Variants in ETFDH observed in about 807,000 individuals in gnomAD.
ETFDH encodes electron transfer flavoprotein-ubiquinone oxidoreductase, mitochondrial.
ETFDH carries 61 observed loss-of-function variants against 73.2 expected under a neutral mutation model. The ratio of observed to expected loss-of-function variants is 0.83; its 90% confidence interval spans 0.68 to 1.03. The LOEUF (loss-of-function observed/expected upper bound fraction) is 1.03, where lower values mean the gene tolerates loss of function less well. ETFDH is among the 50% of genes least tolerant of loss of function. The pLI is 0.00. For missense variants in ETFDH, 685 were observed against 745.0 expected, an observed-to-expected ratio of 0.92 and a Z score of 0.94; for synonymous variants, 243 against 253.3, an observed-to-expected ratio of 0.96 and a Z score of 0.39.
intron 10 of ETFDH, among the ~76,000 whole-genome samples, chr4:158,704,106 A>G (rs1774542402): frequency 6.6e-6 from 1 of 152,146 alleles, no homozygotes; most frequent in Non-Finnish European, 1.5e-5. Flanking sequence ...TCCCCCACAC[A>G]CAAAAAAGAA....
At chr4:158,692,399 C>CAA (rs35615738) in intron 6 of ETFDH, among the ~76,000 whole-genome samples, 101 of 91,352 alleles carry the variant, frequency 1.1e-3, no homozygotes, top group African/African-American at 2.6e-3. Context: ...GACACCGTCT[C>CAA]AAAAAAAAAA....
intron 7 of ETFDH, 97 bp downstream of exon 7, chr4:158,695,740 A>G: frequency 2.4e-6 from 2 of 840,472 alleles, no homozygotes; most frequent in Admixed American, 2.1e-5. Context: ...AATTTTAGTT[A>G]TATTTTTTCA....
chr4:158,686,448 T>C (rs1005482150), intron 5 of ETFDH, among the ~76,000 whole-genome samples: 4 of 152,208 alleles, frequency 2.6e-5, no homozygotes, highest in Non-Finnish European at 5.9e-5. Context: ...TGTTGAAATG[T>C]GATTAGACAG....
chr4:158,680,417 G>T, intron 1 of ETFDH, 50 bp from the exon 2 acceptor site: 1 of 1,411,014 alleles, frequency 7.1e-7, no homozygotes, highest in South Asian at 1.2e-5. Context: ...TCAGTCTACT[G>T]AGGAAAACTA....
chr4:158,682,826 C>T (rs542362515), intron 3 of ETFDH, among the ~76,000 whole-genome samples: 2 of 152,106 alleles, frequency 1.3e-5, no homozygotes, highest in African/African-American at 2.4e-5. Flanking sequence ...TGAGCCACCA[C>T]GCCCAGCCCA....
At chr4:158,691,769 G>A (rs189247549) in intron 6 of ETFDH, among the ~76,000 whole-genome samples, 17 of 152,194 alleles carry the variant, frequency 1.1e-4, no homozygotes, top group African/African-American at 4.1e-4. Flanking sequence ...AAGCAAAACC[G>A]TTAGAACATA....
intron 4 of ETFDH, 156 bp downstream of exon 4, chr4:158,684,829 G>C: frequency 1.5e-6 from 1 of 645,806 alleles, no homozygotes; most frequent in South Asian, 1.9e-5. Context: ...TGGGAAAGCA[G>C]GACTAGAACT....
intron 1 of ETFDH, 138 bp downstream of exon 1, chr4:158,672,628 T>G: frequency 1.1e-6 from 1 of 888,544 alleles, no homozygotes; most frequent in South Asian, 1.4e-5. Flanking sequence ...TCACGCGCTG[T>G]CAGCCTGTTG....
intron 1 of ETFDH, among the ~76,000 whole-genome samples, chr4:158,676,417 G>A (rs1773713023): frequency 6.6e-6 from 1 of 152,134 alleles, no homozygotes; most frequent in South Asian, 2.1e-4. Context: ...GAGCAATTTG[G>A]GAAGGTTCAG....
intron 6 of ETFDH, among the ~76,000 whole-genome samples, chr4:158,692,685 T>A (rs891526376): frequency 4.7e-5 from 7 of 150,360 alleles, no homozygotes; most frequent in Non-Finnish European, 8.9e-5. Context: ...GTCTAAATAT[T>A]TTTATATTTT....
At chr4:158,680,084 C>CAAAAAAAAAGAA (rs1773807234) in intron 1 of ETFDH, 1 of 63,058 alleles carries the variant, frequency 1.6e-5, no homozygotes, top group African/African-American at 5.8e-5. Context: ...GACTCTGTCT[C>CAAAAAAAAAGAA]AAAAAAAAAA....
At position 158,697,661 on chromosome 4, in the gene ETFDH, T is replaced by G. The variant is rs1243587573; in HGVS notation, c.934T>G (p.Leu312Val). The G allele has an allele frequency of 6.2e-7, 1 of 1,613,966 alleles. No homozygotes were observed. Among genetic ancestry groups the G allele is most frequent in the Admixed American group, 1.7e-5 (1 of 60,016 alleles). The change falls in exon 8 of 13, where the codon TTG becomes GTG. Residue 312 changes from leucine (L) to valine (V), a missense_variant. Transcript: ENST00000511912. ...HTYGGSFLYH[L>V]NEGEPLVALG... ...CTATGGAGGATCTTTCCTCTATCAT[T>G]TGAATGAAGGTGAACCCCTAGTAGC...
Position 158,697,659 on chromosome 4 carries a change from A to G in ETFDH, c.932A>G (p.His311Arg). 1.2e-6 allele frequency: 2 copies of G among 1,613,676 alleles called. No homozygotes were observed. The highest frequency in any genetic ancestry group is 1.1e-5 in the South Asian group (1 of 91,078). The change falls in exon 8 of 13, where the codon CAT becomes CGT. Residue 311 changes from histidine to arginine, a missense_variant. This residue lies in a region of ETFDH where 405 missense variants were observed against 399.3 expected (regional missense o/e 1.01). Coordinates refer to ENST00000511912, the MANE Select transcript of ETFDH (RefSeq NM_004453.4). ...RHTYGGSFLY[H>R]LNEGEPLVAL... ...ACCTATGGAGGATCTTTCCTCTATC[A>G]TTTGAATGAAGGTGAACCCCTAGTA...
intron 1 of ETFDH, among the ~76,000 whole-genome samples, 181 bp from the exon 2 acceptor site, chr4:158,680,286 T>A (rs1418409425): frequency 6.6e-6 from 1 of 152,046 alleles, no homozygotes; most frequent in Non-Finnish European, 1.5e-5. Flanking sequence ...TTATTAGTTT[T>A]AAAATATTTA....
intron 9 of ETFDH, among the ~76,000 whole-genome samples, chr4:158,700,260 C>T (rs1774421493): frequency 6.6e-6 from 1 of 151,974 alleles, no homozygotes; most frequent in African/African-American, 2.4e-5. Flanking sequence ...ATAATGCTGT[C>T]CCCAAAGTCT....
At chr4:158,698,410 G>T (rs914581290) in intron 8 of ETFDH, among the ~76,000 whole-genome samples, 2 of 152,136 alleles carry the variant, frequency 1.3e-5, no homozygotes, top group African/African-American at 4.8e-5. Context: ...AAAGGAAAAA[G>T]ATGCAGTTAA....
chr4:158,672,690 TC>T (rs887398584), intron 1 of ETFDH, among the ~76,000 whole-genome samples, 200 bp downstream of exon 1: 2 of 152,132 alleles, frequency 1.3e-5, no homozygotes, highest in Non-Finnish European at 2.9e-5. Context: ...AGAATTAATA[TC>T]TAGGCTAAAG....
chr4:158,706,867 A>C lies in ETFDH; in HGVS notation c.1690+17A>C, dbSNP rs1431138604. 6.8e-7 allele frequency: 1 copy of C among 1,475,134 alleles called. No individual in the cohort carries two copies. Among genetic ancestry groups the C allele is most frequent in the Middle Eastern group, 1.7e-4 (1 of 5,786 alleles). 91.4% of individuals were successfully genotyped at this position (1,475,134 alleles called of 1,614,324 possible). A position where few individuals can be genotyped will look rare whatever the true frequency, so the allele number is the denominator to read the frequency against. On this transcript the variant is annotated intron_variant, in intron 12 of 12. Coordinates refer to ENST00000511912, the MANE Select transcript of ETFDH (RefSeq NM_004453.4). ...GTCCTGCAGGTAATAATTTCCATCT[A>C]TTCCTAAATATTTGCTTTAAACATT...
chr4:158,706,782 AT>A lies in ETFDH; in HGVS notation c.1623del (p.Asp541GlufsTer6), dbSNP rs2126316669. ...CAGCCGGCACACTTAACCTTAAGGG[AT>A]GACAGTATACCTGTAAATAGAAATC... Reference protein sequence around the residue: ...HDQPAHLTLRDDSIPVNRNLS... With the variant: ...HDQPAHLTLRXDSIPVNRNLS... On this transcript the variant is annotated frameshift_variant, in exon 12 of 13. Coordinates refer to ENST00000511912, the MANE Select transcript of ETFDH (RefSeq NM_004453.4). LOFTEE classifies it high-confidence loss of function. 1 of 1,613,980 alleles carries A rather than the reference AT, an allele frequency of 6.2e-7. No homozygotes were observed. Among genetic ancestry groups the A allele is most frequent in the Non-Finnish European group, 8.5e-7 (1 of 1,179,868 alleles).
Sources: allele counts gnomAD v4.1 joint callset (sites outside exome capture counted in the v4.1 genomes callset), GRCh38; gene constraint gnomAD v4.1.1; regional missense constraint gnomAD v4.1.1; transcripts MANE v1.5; gene names NCBI Gene and HGNC (gene_info 2026-07-23, HGNC 2026-07-21).